Variants in TMEM132C observed in about 807,000 individuals in gnomAD.
TMEM132C encodes transmembrane protein 132C.
In TMEM132C, 29 loss-of-function variants were observed where a neutral mutation model predicts 61.4. The ratio of observed to expected loss-of-function variants is 0.47; its 90% CI spans 0.35 to 0.64. The LOEUF is 0.64. TMEM132C is among the 30% of genes least tolerant of loss of function. The pLI, the probability that TMEM132C is intolerant of heterozygous loss-of-function variation, is 0.00. For missense variants in TMEM132C, 1,408 were observed against 1,476.9 expected, an observed-to-expected ratio of 0.95 and a Z score of 0.76; for synonymous variants, 656 against 633.1, an observed-to-expected ratio of 1.04 and a Z score of -0.54.
chr12:128,321,144 TAA>T (rs1872319143), intron 1 of TMEM132C, among the ~76,000 whole-genome samples: 1 of 84,118 alleles, frequency 1.2e-5, no homozygotes, highest in African/African-American at 3.9e-5. Context: ...TGAAAAATAA[TAA>T]TAATAATAAT....
chr12:128,305,968 T>G (rs1347974478), intron 1 of TMEM132C, among the ~76,000 whole-genome samples: 1 of 152,206 alleles, frequency 6.6e-6, no homozygotes, highest in Non-Finnish European at 1.5e-5. Flanking sequence ...TTTTCAGGGC[T>G]TGAGACTTAA....
At chr12:128,502,201 A>G (rs1367051096) in intron 2 of TMEM132C, among the ~76,000 whole-genome samples, 2 of 152,206 alleles carry the variant, frequency 1.3e-5, no homozygotes, top group African/African-American at 4.8e-5. Flanking sequence ...TGCAGAAGTG[A>G]CAGAGGCTGC....
In TMEM132C at chr12:128,276,595, C is replaced by A. The variant is rs146805908; in HGVS notation, c.85+9108C>A. On this transcript the variant is annotated intron_variant, in intron 1 of 8. Coordinates refer to ENST00000435159, the MANE Select transcript of TMEM132C (RefSeq NM_001136103.3). ...AGTCATGAAAACCATCCAGAGCAGG[C>A]CCCATTTCTCTCTTAGGTTAATTTT... 9.2e-3 allele frequency among the ~76,000 whole-genome samples: 1,405 copies of A among 152,202 alleles called. 18 individuals are homozygous for A. Among genetic ancestry groups the A allele is most frequent in the African/African-American group, 0.03 (1,259 of 41,498 alleles).
intron 4 of TMEM132C, among the ~76,000 whole-genome samples, chr12:128,643,431 A>G (rs1954172664): frequency 6.6e-6 from 1 of 152,066 alleles, no homozygotes; most frequent in Non-Finnish European, 1.5e-5. Flanking sequence ...CTCGTTAACA[A>G]TTGAGGAGGT....
At chr12:128,448,853 T>G (rs10847621) in intron 2 of TMEM132C, among the ~76,000 whole-genome samples, 1 of 151,672 alleles carries the variant, frequency 6.6e-6, no homozygotes, top group South Asian at 2.1e-4. Context: ...CTTGAAGGAG[T>G]GTTTTGTTGG....
intron 1 of TMEM132C, among the ~76,000 whole-genome samples, chr12:128,359,139 A>G (rs1281979686): frequency 2.0e-5 from 3 of 152,026 alleles, no homozygotes; most frequent in African/African-American, 7.2e-5. Flanking sequence ...CTCACCTACT[A>G]CTCGCTTTGT....
intron 5 of TMEM132C, among the ~76,000 whole-genome samples, chr12:128,685,897 CAGAG>C (rs1314654265): frequency 6.6e-6 from 1 of 152,134 alleles, no homozygotes; most frequent in Admixed American, 6.5e-5. Flanking sequence ...GGTGTGGACT[CAGAG>C]AGATGACCCA....
intron 3 of TMEM132C, among the ~76,000 whole-genome samples, chr12:128,611,371 T>C (rs1472164495): frequency 1.3e-5 from 2 of 152,196 alleles, no homozygotes; most frequent in Admixed American, 1.3e-4. Flanking sequence ...TTTCATTTCT[T>C]CTTTTCTCTT....
chr12:128,475,442 G>A (rs1316799977), intron 2 of TMEM132C, among the ~76,000 whole-genome samples: 1 of 152,124 alleles, frequency 6.6e-6, no homozygotes, highest in Non-Finnish European at 1.5e-5. Flanking sequence ...GCATGCGGTT[G>A]CACTTGGGGT....
intron 1 of TMEM132C, among the ~76,000 whole-genome samples, chr12:128,289,899 T>A (rs886512308): frequency 6.6e-6 from 1 of 152,158 alleles, no homozygotes; most frequent in Non-Finnish European, 1.5e-5. Context: ...ATGTTTCACC[T>A]CAAATTATCT....
chr12:128,372,083 A>G lies in TMEM132C; in HGVS notation c.86-42649A>G, dbSNP rs1391892934. On this transcript the variant is annotated intron_variant, in intron 1 of 8. Transcript: ENST00000435159. ...CTTCAGTGCCATCCTCAGTCCAGGC[A>G]ACCACTAATAAACTTTGCTTCTCTC... 2.0e-5 allele frequency among the ~76,000 whole-genome samples: 3 copies of G among 152,168 alleles called. No individual in the cohort carries two copies. In the East Asian group the frequency reaches 5.8e-4, roughly 29 times the overall value.
intron 3 of TMEM132C, among the ~76,000 whole-genome samples, chr12:128,606,413 C>T (rs1876428086): frequency 6.6e-6 from 1 of 152,234 alleles, no homozygotes; most frequent in African/African-American, 2.4e-5. Context: ...CTCTTAAGGG[C>T]TTCGTTTCAT....
chr12:128,700,593 G>C (rs1954797048), intron 8 of TMEM132C, among the ~76,000 whole-genome samples: 1 of 152,196 alleles, frequency 6.6e-6, no homozygotes, highest in African/African-American at 2.4e-5. Flanking sequence ...TTAGAGTGTA[G>C]AAGGCTGGCA....
chr12:128,319,760 AG>A (rs1565900108), intron 1 of TMEM132C, among the ~76,000 whole-genome samples: 1 of 150,720 alleles, frequency 6.6e-6, no homozygotes, highest in Admixed American at 6.6e-5. Flanking sequence ...TGGGAGGTGG[AG>A]GTTGCAGTGA....
Position 128,278,799 on chromosome 12 carries a change from T to G in TMEM132C, c.85+11312T>G, listed in dbSNP as rs572228520. 1.5e-3 allele frequency among the ~76,000 whole-genome samples: 223 copies of G among 150,444 alleles called. No individual in the cohort carries two copies. Among genetic ancestry groups the G allele is most frequent in the Non-Finnish European group, 2.2e-3 (151 of 67,730 alleles). On this transcript the variant is annotated intron_variant, in intron 1 of 8. Transcript: ENST00000435159. The surrounding 1 kb of genome is among the most constrained non-coding windows in gnomAD (Gnocchi z 4.2). ...GTGTGTGTGTGTGTTTGGGTGAGAT[T>G]AACAAATTGGTGGATTTTGATAAAA...
At chr12:128,684,560 G>A (rs531684854) in intron 5 of TMEM132C, among the ~76,000 whole-genome samples, 190 of 152,282 alleles carry the variant, frequency 1.2e-3, no homozygotes, top group Non-Finnish European at 2.2e-3. Flanking sequence ...CCAACCCCCC[G>A]CATGGACAGC....
chr12:128,409,450 C>T (rs968397100), intron 1 of TMEM132C, among the ~76,000 whole-genome samples: 14 of 152,116 alleles, frequency 9.2e-5, no homozygotes, highest in African/African-American at 3.4e-4. Flanking sequence ...TGTAGGATGA[C>T]AGCAACACTG....
chr12:128,324,636 G>T (rs1006376412), intron 1 of TMEM132C, among the ~76,000 whole-genome samples: 12 of 152,122 alleles, frequency 7.9e-5, no homozygotes. Context: ...GAGGCGGGAC[G>T]ATCACCTGAG....
chr12:128,335,733 G>A (rs1254210079), intron 1 of TMEM132C, among the ~76,000 whole-genome samples: 2 of 152,206 alleles, frequency 1.3e-5, no homozygotes, highest in African/African-American at 4.8e-5. Context: ...GCCCCATGGG[G>A]TAGATACCTG....
Sources: allele counts gnomAD v4.1 joint callset (sites outside exome capture counted in the v4.1 genomes callset), GRCh38; gene constraint gnomAD v4.1.1; non-coding constraint Gnocchi (gnomAD v3.1); transcripts MANE v1.5; gene names NCBI Gene and HGNC (gene_info 2026-07-23, HGNC 2026-07-21).